GFRA3: variants seen among roughly 807,000 people sequenced by gnomAD.
GFRA3 encodes the protein GDNF family receptor alpha 3.
Under a neutral mutation model 40.0 loss-of-function variants are expected in GFRA3, and 24 were observed. The observed-to-expected ratio is 0.60, with a 90% CI of 0.43 to 0.84. The LOEUF (loss-of-function observed/expected upper bound fraction) is 0.84. Ranked by LOEUF, GFRA3 falls within the 40% of genes least tolerant of loss-of-function variation. The pLI, the probability that GFRA3 is intolerant of heterozygous loss-of-function variation, is 0.00. For missense variants in GFRA3, 405 were observed against 530.6 expected (o/e 0.76, Z 2.33); for synonymous variants, 203 against 213.5 (o/e 0.95, Z 0.43).
chr5:138,267,081 G>T, intron 1 of GFRA3: 1 of 183,844 alleles, frequency 5.4e-6, no homozygotes. Flanking sequence ...AAACACTTCA[G>T]CACCACATTC....
Position 138,264,540 on chromosome 5 carries a change from G to A in GFRA3, c.100C>T (p.Leu34Phe). 2 of 1,602,524 alleles carry A rather than the reference G, an allele frequency of 1.2e-6. No individual in the cohort carries two copies. The highest frequency in any genetic ancestry group is 1.7e-6 in the Non-Finnish European group (2 of 1,173,254). ...SPLPLAAGDP[L>F]PTESRLMNSC... ...TTCATGAGTCGGCTTTCTGTGGGAA[G>A]GGGGTCTCCTGTAAAGGGAGATACC... The change falls in exon 2 of 8, where the codon CTT becomes TTT. Residue 34 changes from leucine (L) to phenylalanine (F), a missense_variant. Physicochemically the swap from Leu to Phe is conservative, Grantham distance 22. Coordinates refer to ENST00000274721, the MANE Select transcript of GFRA3 (RefSeq NM_001496.4).
At position 138,269,550 on chromosome 5, in the gene GFRA3, C is replaced by CA. The variant is rs927285957; in HGVS notation, c.91+4783dup. Among the ~76,000 whole-genome samples the CA allele has an allele frequency of 2.2e-4, 28 of 128,630 alleles. No individual in the cohort carries two copies. In the South Asian group the frequency reaches 3.6e-3, roughly 17 times the overall value. 84.4% of individuals were successfully genotyped at this position (128,630 alleles called of 152,430 possible). A position where few individuals can be genotyped will look rare whatever the true frequency, so the allele number is the denominator to read the frequency against. ...AAACTCTGTCTGAAAAAAAAAAAAA[C>CA]AAAAAACAACAAGCCAGACGCAGTG... is the stretch of plus-strand genomic sequence containing the variant. On this transcript the variant is annotated intron_variant, in intron 1 of 7. Coordinates refer to ENST00000274721, the MANE Select transcript of GFRA3 (RefSeq NM_001496.4).
In GFRA3 at chr5:138,271,913, T is replaced by TTGTG. The variant is rs1554111238; in HGVS notation, c.91+2417_91+2420dup. On this transcript the variant is annotated intron_variant, in intron 1 of 7. Coordinates refer to ENST00000274721, the MANE Select transcript of GFRA3 (RefSeq NM_001496.4). Reference sequence around the variant, plus strand: ...TTCTGTTTTTTTTTTTTTTTTTTTTTTGTGTGTGTGTGTGTGTGTGTGTGT... The same window carrying TTGTG: ...TTCTGTTTTTTTTTTTTTTTTTTTTTTGTGTGTGTGTGTGTGTGTGTGTGTGTGT... Among the ~76,000 whole-genome samples the TTGTG allele has an allele frequency of 4.5e-3, 245 of 54,290 alleles. 5 individuals carry two copies. The highest frequency in any genetic ancestry group is 0.011 in the South Asian group (10 of 904). The allele number at this position is 54,290 out of a possible 152,430, so 35.6% of individuals were successfully genotyped here.
chr5:138,255,909 AAAAAAAGAAG>A (rs1314604302), intron 4 of GFRA3, among the ~76,000 whole-genome samples: 2 of 151,024 alleles, frequency 1.3e-5, no homozygotes, highest in East Asian at 3.9e-4. Flanking sequence ...CAAAAAAAAA[AAAAAAAGAAG>A]AAGAAGAAGA....
intron 1 of GFRA3, 22 bp from the exon 2 acceptor site, chr5:138,264,570 G>A (rs764568361): frequency 6.5e-7 from 1 of 1,541,982 alleles, no homozygotes; most frequent in Non-Finnish European, 8.8e-7. Flanking sequence ...GATACCAGGT[G>A]AGGCTACGTA....
At chr5:138,269,651 G>A (rs1338441484) in intron 1 of GFRA3, among the ~76,000 whole-genome samples, 1 of 151,618 alleles carries the variant, frequency 6.6e-6, no homozygotes, top group Non-Finnish European at 1.5e-5. Context: ...AGACCATCCT[G>A]GCCAACATGG....
chr5:138,256,463 G>A (rs966141157), intron 4 of GFRA3, among the ~76,000 whole-genome samples: 1 of 151,426 alleles, frequency 6.6e-6, no homozygotes, highest in Admixed American at 6.6e-5. Flanking sequence ...GGGAGGCAGA[G>A]GTTGCAGTGA....
chr5:138,253,369 G>A lies in GFRA3; in HGVS notation c.1031C>T (p.Ala344Val). 2 of 1,587,236 alleles carry A rather than the reference G, an allele frequency of 1.3e-6. No individual in the cohort carries two copies. The highest frequency in any genetic ancestry group is 2.3e-5 in the South Asian group (2 of 87,546). The change falls in exon 7 of 8, where the codon GCC (alanine) becomes GTC (valine). Residue 344 changes from alanine to valine, a missense_variant. Coordinates refer to ENST00000274721, the MANE Select transcript of GFRA3 (RefSeq NM_001496.4). ...GTGAAAACGCATCTTAGCTGCAATG[G>A]CCTCCGCTGAAGAGAGGAGAGAAGG... is the stretch of plus-strand genomic sequence containing the variant. ...FFSHNPCLTE[A>V]IAAKMRFHSQ...
chr5:138,254,460 T>A (rs1245197368), intron 4 of GFRA3, among the ~76,000 whole-genome samples: 1 of 152,100 alleles, frequency 6.6e-6, no homozygotes, highest in East Asian at 1.9e-4. Context: ...GTGCTGGGAT[T>A]ACAGGTATGA....
chr5:138,267,188 C>CTTTTTTTTTTTTTTTTT (rs56245236), intron 1 of GFRA3: 3 of 101,336 alleles, frequency 3.0e-5, no homozygotes, highest in Non-Finnish European at 5.7e-5. Context: ...TTCTTTTATG[C>CTTTTTTTTTTTTTTTTT]TTTTTTTTTT....
chr5:138,268,626 C>T (rs866844280), intron 1 of GFRA3, among the ~76,000 whole-genome samples: 2 of 152,142 alleles, frequency 1.3e-5, no homozygotes, highest in Non-Finnish European at 2.9e-5. Context: ...CGCAGTGGCT[C>T]ATGCCCGTAA....
chr5:138,259,813 C>A (rs142396633), intron 2 of GFRA3, among the ~76,000 whole-genome samples, 164 bp from the exon 3 acceptor site: 1 of 152,146 alleles, frequency 6.6e-6, no homozygotes, highest in African/African-American at 2.4e-5. Context: ...AATGCAGGGC[C>A]GTAAGGTATA....
chr5:138,270,792 G>GA (rs903224200), intron 1 of GFRA3, among the ~76,000 whole-genome samples: 4 of 149,732 alleles, frequency 2.7e-5, no homozygotes, highest in African/African-American at 4.9e-5. Context: ...TGTACAAGAT[G>GA]AAAAAAAAAG....
chr5:138,258,875 A>G (rs1192964115), intron 3 of GFRA3, among the ~76,000 whole-genome samples: 2 of 152,238 alleles, frequency 1.3e-5, no homozygotes, highest in Non-Finnish European at 2.9e-5. Context: ...CAGCAGCCAC[A>G]GCAATCAAGT....
chr5:138,263,678 A>G (rs1323369596), intron 2 of GFRA3, among the ~76,000 whole-genome samples: 1 of 152,216 alleles, frequency 6.6e-6, no homozygotes, highest in Non-Finnish European at 1.5e-5. Flanking sequence ...AAGGCCCATG[A>G]AAGAGCCAAT....
intron 1 of GFRA3, among the ~76,000 whole-genome samples, chr5:138,268,610 G>A (rs968293649): frequency 6.6e-6 from 1 of 152,068 alleles, no homozygotes; most frequent in Non-Finnish European, 1.5e-5. Context: ...CAAACAGTTG[G>A]CTGGGCGCAG....
intron 4 of GFRA3, among the ~76,000 whole-genome samples, chr5:138,256,619 G>T (rs916976741): frequency 6.6e-6 from 1 of 151,790 alleles, no homozygotes; most frequent in African/African-American, 2.4e-5. Flanking sequence ...TTAAGTGTAG[G>T]GCATCCATAC....
At position 138,257,783 on chromosome 5, in the gene GFRA3, C is replaced by T; in HGVS notation, c.641G>A (p.Gly214Asp). 1.2e-6 allele frequency: 2 copies of T among 1,612,596 alleles called. No individual in the cohort carries two copies. Among genetic ancestry groups the T allele is most frequent in the South Asian group, 1.1e-5 (1 of 90,982 alleles). The part of the protein sequence containing the change: ...FEKAAEPHAQ[G>D]LLLCPCAPND... ...GGGGGCACATGGGCACAGTAGCAGG[C>T]CCTGCGCGTGGGGCTCGGCGGCCTT... Residue 214 changes from glycine (G) to aspartate (D), a missense_variant, in exon 4 of 8, where the codon GGC becomes GAC. Gly to Asp is a moderately conservative substitution (Grantham distance 94). Coordinates refer to ENST00000274721, the MANE Select transcript of GFRA3 (RefSeq NM_001496.4).
rs534629288 is a variant in GFRA3, at chr5:138,254,026, T to C, written c.889+31A>G. ...TTCTTACCCTCAGGCCTAGCCAACA[T>C]AGGGTTCCCTACACATGCCCCCAGC... On this transcript the variant is annotated intron_variant, in intron 5 of 7. Coordinates refer to ENST00000274721, the MANE Select transcript of GFRA3 (RefSeq NM_001496.4). 6.9e-5 allele frequency: 108 copies of C among 1,556,140 alleles called. No individual in the cohort carries two copies. The South Asian group carries it at 1.0e-3, about 15-fold the overall frequency.
Sources: gnomAD v4.1 joint callset for allele counts (sites outside exome capture counted in the v4.1 genomes callset) on GRCh38, gnomAD v4.1.1 for gene constraint, MANE v1.5 for transcripts, NCBI Gene and HGNC (gene_info 2026-07-23, HGNC 2026-07-21) for gene names.